Variants in CSMD1 observed in about 807,000 individuals in gnomAD.
CSMD1 encodes CUB and Sushi multiple domains 1, also known as CUB and sushi domain-containing protein 1.
A neutral mutation model predicts 417.5 loss-of-function variants in CSMD1; 213 were observed. The observed-to-expected ratio is 0.51, with a 90% CI of 0.46 to 0.57. The LOEUF (loss-of-function observed/expected upper bound fraction) is 0.57. Ranked by LOEUF, CSMD1 falls within the 20% of genes least tolerant of loss-of-function variation. CSMD1 has a pLI of 0.00. For missense variants in CSMD1, 6,923 were observed against 4,529.7 expected (o/e 1.53, Z -15.17); for synonymous variants, 2,862 against 1,736.8 (o/e 1.65, Z -16.11).
intron 5 of CSMD1, among the ~76,000 whole-genome samples, chr8:3,811,753 C>A (rs1250930519): frequency 6.6e-6 from 1 of 152,068 alleles, no homozygotes; most frequent in African/African-American, 2.4e-5. Context: ...AAGGGAACCT[C>A]CATGGACAAT....
At position 4,948,825 on chromosome 8, in the gene CSMD1, A is replaced by G. The variant is rs140493513; in HGVS notation, c.85+45507T>C. Among the ~76,000 whole-genome samples the G allele has an allele frequency of 5.4e-3, 821 of 152,212 alleles. 3 individuals are homozygous for G. The highest frequency in any genetic ancestry group is 0.019 in the African/African-American group (778 of 41,564). On this transcript the variant is annotated intron_variant, in intron 1 of 69. Coordinates refer to ENST00000635120, the MANE Select transcript of CSMD1 (RefSeq NM_033225.6). ...CCTTATTCCCCTAGAATGGAGCTGC[A>G]GCATAAGGATTTTTAGAAAAGGTTA...
intron 2 of CSMD1, among the ~76,000 whole-genome samples, chr8:4,621,143 T>A (rs1801757625): frequency 6.6e-6 from 1 of 152,086 alleles, no homozygotes; most frequent in African/African-American, 2.4e-5. Context: ...AGATTTGGGA[T>A]TTCTTTTTTC....
chr8:3,575,071 A>G lies in CSMD1; in HGVS notation c.1223-5T>C, dbSNP rs770686530. On this transcript the variant is annotated splice_region_variant and splice_polypyrimidine_tract_variant and intron_variant, in intron 9 of 69. Coordinates refer to ENST00000635120, the MANE Select transcript of CSMD1 (RefSeq NM_033225.6). ...GATTGGATCCACATGTTCTCGCTGG[A>G]AACACATAGAAACGACGTTATTTTC... 1.9e-6 allele frequency: 3 copies of G among 1,612,412 alleles called. No homozygotes were observed. Among genetic ancestry groups the G allele is most frequent in the Admixed American group, 1.7e-5 (1 of 59,876 alleles).
chr8:3,890,887 G>C (rs942092654), intron 5 of CSMD1, among the ~76,000 whole-genome samples: 5 of 152,132 alleles, frequency 3.3e-5, no homozygotes, highest in Non-Finnish European at 7.3e-5. Context: ...AAGATTTCTT[G>C]AGTGTGCTAG....
intron 1 of CSMD1, among the ~76,000 whole-genome samples, chr8:4,677,412 T>TTC (rs143182974): frequency 7.3e-5 from 11 of 150,532 alleles, no homozygotes; most frequent in Admixed American, 6.6e-5. Flanking sequence ...TAGAGACAGA[T>TTC]TCTCTCTCTC....
chr8:3,824,652 T>A (rs117644793), intron 5 of CSMD1, among the ~76,000 whole-genome samples: 1 of 152,162 alleles, frequency 6.6e-6, no homozygotes, highest in Non-Finnish European at 1.5e-5. Flanking sequence ...TGAAATAGCA[T>A]TTGTTATATA....
intron 2 of CSMD1, among the ~76,000 whole-genome samples, chr8:4,488,158 G>A (rs1038199060): frequency 6.6e-6 from 1 of 152,112 alleles, no homozygotes; most frequent in Admixed American, 6.5e-5. Context: ...CTTGATCTTC[G>A]ACTTACAGCT....
chr8:4,403,638 G>T (rs569394193), intron 3 of CSMD1, among the ~76,000 whole-genome samples: 5 of 152,042 alleles, frequency 3.3e-5, no homozygotes, highest in African/African-American at 1.2e-4. Flanking sequence ...CTACTTAGTC[G>T]GTGTTTATTT....
intron 3 of CSMD1, among the ~76,000 whole-genome samples, chr8:4,243,116 A>C (rs1802499034): frequency 6.6e-6 from 1 of 152,076 alleles, no homozygotes; most frequent in Admixed American, 6.6e-5. Context: ...TTCACTGTGG[A>C]AAATCAGACA....
intron 1 of CSMD1, among the ~76,000 whole-genome samples, chr8:4,839,767 C>T (rs1481082904): frequency 6.6e-6 from 1 of 152,110 alleles, no homozygotes; most frequent in East Asian, 1.9e-4. Context: ...AAACCTTCCA[C>T]AGAAAAGCAT....
chr8:4,690,040 G>A (rs191664192), intron 1 of CSMD1, among the ~76,000 whole-genome samples: 2 of 152,264 alleles, frequency 1.3e-5, no homozygotes, highest in Admixed American at 1.3e-4. Context: ...AGAAGAGAAT[G>A]GGTTTGAAGC....
intron 3 of CSMD1, among the ~76,000 whole-genome samples, chr8:4,289,127 C>G (rs1487220595): frequency 6.6e-6 from 1 of 152,078 alleles, no homozygotes; most frequent in Non-Finnish European, 1.5e-5. Flanking sequence ...AATGAATTAA[C>G]TAGTTACAGT....
chr8:3,516,884 A>T (rs950878832), intron 10 of CSMD1, among the ~76,000 whole-genome samples: 1 of 152,218 alleles, frequency 6.6e-6, no homozygotes, highest in African/African-American at 2.4e-5. Context: ...ACATGTTTAT[A>T]GCAGCACAAT....
chr8:4,175,711 A>G (rs1353234794), intron 3 of CSMD1, among the ~76,000 whole-genome samples: 2 of 152,206 alleles, frequency 1.3e-5, no homozygotes, highest in Non-Finnish European at 2.9e-5. Flanking sequence ...GGAGAATTTT[A>G]TTGTCCAAGA....
At chr8:4,245,825 C>T (rs1057114351) in intron 3 of CSMD1, among the ~76,000 whole-genome samples, 2 of 152,132 alleles carry the variant, frequency 1.3e-5, no homozygotes, top group South Asian at 2.1e-4. Context: ...GACAAGTGTG[C>T]ACAATCACAT....
chr8:4,818,709 A>T (rs575376099), intron 1 of CSMD1, among the ~76,000 whole-genome samples: 3 of 152,362 alleles, frequency 2.0e-5, no homozygotes, highest in Non-Finnish European at 4.4e-5. Context: ...AACAATCATC[A>T]TGTAGCACAG....
chr8:4,298,774 T>A (rs1183845941), intron 3 of CSMD1, among the ~76,000 whole-genome samples: 1 of 152,102 alleles, frequency 6.6e-6, no homozygotes, highest in African/African-American at 2.4e-5. Flanking sequence ...TGCTTTTGAA[T>A]AAATTTATTT....
chr8:3,261,861 G>A (rs1289719026), intron 26 of CSMD1, among the ~76,000 whole-genome samples: 2 of 152,076 alleles, frequency 1.3e-5, no homozygotes, highest in Non-Finnish European at 2.9e-5. Flanking sequence ...GCGGGCCGAG[G>A]TCAATGGGTA....
At chr8:4,150,376 G>C (rs984717846) in intron 3 of CSMD1, among the ~76,000 whole-genome samples, 1 of 152,170 alleles carries the variant, frequency 6.6e-6, no homozygotes, top group African/African-American at 2.4e-5. Context: ...TGTCTTTTGT[G>C]CCTGGCTACC....
Sources: gnomAD v4.1 joint callset for allele counts (sites outside exome capture counted in the v4.1 genomes callset) on GRCh38, gnomAD v4.1.1 for gene constraint, MANE v1.5 for transcripts, NCBI Gene and HGNC (gene_info 2026-07-23, HGNC 2026-07-21) for gene names.